Variants in IARS2 observed in about 807,000 individuals in gnomAD.
IARS2 encodes the protein isoleucyl-tRNA synthetase 2, mitochondrial, also known as isoleucine--tRNA ligase, mitochondrial.
In IARS2, 56 loss-of-function variants were observed where a neutral mutation model predicts 126.3. The ratio of observed to expected loss-of-function variants is 0.44; its 90% CI spans 0.36 to 0.55. IARS2 has a LOEUF of 0.55. IARS2 is among the 20% of genes least tolerant of loss of function. The pLI, the probability that IARS2 is intolerant of heterozygous loss-of-function variation, is 0.00. For missense variants in IARS2, 1,127 were observed against 1,245.9 expected, an observed-to-expected ratio of 0.90 and a Z score of 1.44; for synonymous variants, 407 against 441.1, an observed-to-expected ratio of 0.92 and a Z score of 0.97.
intron 1 of IARS2, 113 bp downstream of exon 1, chr1:220,094,596 G>T (rs1038751769): frequency 2.3e-6 from 2 of 876,818 alleles, no homozygotes; most frequent in African/African-American, 1.8e-5. Context: ...GTGGGCGGGG[G>T]TGTGACCAGA....
At chr1:220,100,420 C>T in intron 2 of IARS2, 70 bp from the exon 3 acceptor site, 1 of 1,244,916 alleles carries the variant, frequency 8.0e-7, no homozygotes. Context: ...ATCATTTTAT[C>T]TTTGCAGATT....
intron 14 of IARS2, among the ~76,000 whole-genome samples, chr1:220,131,460 T>C (rs1196506234): frequency 6.6e-6 from 1 of 152,140 alleles, no homozygotes; most frequent in Admixed American, 6.6e-5. Context: ...CAAGCGATTC[T>C]CCTGCCTCAG....
At chr1:220,096,579 A>G (rs1395289022) in intron 2 of IARS2, among the ~76,000 whole-genome samples, 3 of 152,322 alleles carry the variant, frequency 2.0e-5, no homozygotes, top group East Asian at 3.9e-4. Flanking sequence ...ATAATTCATT[A>G]TTTTTAAAAT....
At chr1:220,110,446 A>G (rs1395909728) in intron 10 of IARS2, among the ~76,000 whole-genome samples, 1 of 151,604 alleles carries the variant, frequency 6.6e-6, no homozygotes, top group Non-Finnish European at 1.5e-5. Flanking sequence ...GCTCACTGCA[A>G]CCTCTGCCTC....
intron 14 of IARS2, among the ~76,000 whole-genome samples, chr1:220,129,840 T>C (rs1352121679): frequency 1.3e-5 from 2 of 152,246 alleles, no homozygotes; most frequent in Non-Finnish European, 2.9e-5. Flanking sequence ...CCTGTGGATA[T>C]GCTGATTTTA....
Position 220,136,892 on chromosome 1 carries a change from T to C in IARS2, c.2030T>C (p.Val677Ala), listed in dbSNP as rs142127832. The change falls in exon 16 of 23, where the codon GTT (valine) becomes GCT (alanine). Residue 677 changes from valine to alanine, a missense_variant. Coordinates refer to ENST00000366922, the MANE Select transcript of IARS2 (RefSeq NM_018060.4). ...CTTGGGAATGTCATTCATCCTGATG[T>C]TGTCGTTAATGGAGGACAAGTAGGT... ...KSLGNVIHPD[V>A]VVNGGQDQSK... 6.2e-7 allele frequency: 1 copy of C among 1,603,362 alleles called. No individual in the cohort carries two copies. Among genetic ancestry groups the C allele is most frequent in the Non-Finnish European group, 8.5e-7 (1 of 1,172,280 alleles).
In IARS2 at chr1:220,147,824, T is replaced by C; in HGVS notation, c.*189T>C. ...GTAACTATAGAAAGAATTATGTATA[T>C]ATACATGCAGAAATATATATGTGTG... On this transcript the variant is annotated 3_prime_UTR_variant, in exon 23 of 23. Coordinates refer to ENST00000366922, the MANE Select transcript of IARS2 (RefSeq NM_018060.4). The C allele has an allele frequency of 3.4e-6, 2 of 590,296 alleles. No individual in the cohort carries two copies. Among genetic ancestry groups the C allele is most frequent in the South Asian group, 4.7e-5 (2 of 42,950 alleles). 36.6% of individuals were successfully genotyped at this position (590,296 alleles called of 1,614,324 possible). A position where few individuals can be genotyped will look rare whatever the true frequency, so the allele number is the denominator to read the frequency against.
At chr1:220,110,154 T>C (rs1336705622) in intron 10 of IARS2, among the ~76,000 whole-genome samples, 1 of 149,624 alleles carries the variant, frequency 6.7e-6, no homozygotes, top group Non-Finnish European at 1.5e-5. Flanking sequence ...TTAGCTTAGG[T>C]TCAAATGATT....
intron 11 of IARS2, 137 bp downstream of exon 11, chr1:220,111,074 AT>A: frequency 1.2e-6 from 1 of 802,278 alleles, no homozygotes; most frequent in Non-Finnish European, 1.9e-6. Context: ...ACATTGTAGA[AT>A]TTTAGATCTG....
At chr1:220,146,782 T>C (rs1657603711) in intron 22 of IARS2, among the ~76,000 whole-genome samples, 1 of 152,124 alleles carries the variant, frequency 6.6e-6, no homozygotes, top group Non-Finnish European at 1.5e-5. Context: ...AGCAATTCTC[T>C]TGCCTCAGCC....
At chr1:220,104,047 C>T (rs1343313089) in intron 8 of IARS2, among the ~76,000 whole-genome samples, 3 of 152,348 alleles carry the variant, frequency 2.0e-5, no homozygotes, top group East Asian at 3.9e-4. Flanking sequence ...CCAGTCAGCT[C>T]ATTGCAGCCT....
At chr1:220,110,018 G>T (rs1656764316) in intron 10 of IARS2, among the ~76,000 whole-genome samples, 1 of 152,150 alleles carries the variant, frequency 6.6e-6, no homozygotes, top group South Asian at 2.1e-4. Context: ...GAATCCCAGA[G>T]CACGCCTTTG....
At chr1:220,103,662 T>A in intron 8 of IARS2, 100 bp downstream of exon 8, 1 of 696,722 alleles carries the variant, frequency 1.4e-6, no homozygotes, top group Non-Finnish European at 2.6e-6. Context: ...GAAACAGATA[T>A]GGCCTCTACC....
intron 11 of IARS2, among the ~76,000 whole-genome samples, chr1:220,113,122 C>A (rs1279771557): frequency 6.6e-6 from 1 of 152,146 alleles, no homozygotes; most frequent in Non-Finnish European, 1.5e-5. Flanking sequence ...TCCTCAGCCT[C>A]CCAAAGTGCT....
Position 220,107,049 on chromosome 1 carries a change from G to A in IARS2, c.1237-12G>A, listed in dbSNP as rs1276564692. On this transcript the variant is annotated splice_polypyrimidine_tract_variant and intron_variant, in intron 9 of 22. Coordinates refer to ENST00000366922, the MANE Select transcript of IARS2 (RefSeq NM_018060.4). ...TCTTGATATTTTAATTGTTCAAAATGATACTTTATAGGATTGTCTAGTGGA... is the reference window on the plus strand; with the variant it reads ...TCTTGATATTTTAATTGTTCAAAATAATACTTTATAGGATTGTCTAGTGGA... 2 of 1,542,110 alleles carry A rather than the reference G, an allele frequency of 1.3e-6. No individual in the cohort carries two copies. Among genetic ancestry groups the A allele is most frequent in the South Asian group, 1.1e-5 (1 of 89,506 alleles).
intron 3 of IARS2, among the ~76,000 whole-genome samples, chr1:220,101,093 C>T (rs930585030): frequency 6.6e-6 from 1 of 152,078 alleles, no homozygotes; most frequent in African/African-American, 2.4e-5. Flanking sequence ...TACTATTGTA[C>T]ATTTGGATGT....
intron 17 of IARS2, among the ~76,000 whole-genome samples, chr1:220,138,377 A>G (rs1008758527): frequency 2.2e-4 from 33 of 152,150 alleles, no homozygotes; most frequent in Admixed American, 1.8e-3. Context: ...AGGCTGAGGC[A>G]GGAGAATCAC....
chr1:220,094,211 C>T lies in IARS2; in HGVS notation c.-6C>T, dbSNP rs750485716. ...GGAGGACCCCGCTCTCAGGGGTTGCCGGACCATGCGTTGGGGGCTGCGCCC... is the reference window on the plus strand; with the variant it reads ...GGAGGACCCCGCTCTCAGGGGTTGCTGGACCATGCGTTGGGGGCTGCGCCC... On this transcript the variant is annotated 5_prime_UTR_variant, in exon 1 of 23. Transcript: ENST00000366922. 8.3e-6 allele frequency: 13 copies of T among 1,560,374 alleles called. No homozygotes were observed. The highest frequency in any genetic ancestry group is 5.7e-5 in the Admixed American group (3 of 53,024).
At position 220,102,269 on chromosome 1, in the gene IARS2, T is replaced by C. The variant is rs777779272; in HGVS notation, c.691T>C (p.Tyr231His). The C allele has an allele frequency of 1.2e-6, 2 of 1,607,036 alleles. No homozygotes were observed. The highest frequency in any genetic ancestry group is 1.1e-5 in the South Asian group (1 of 89,076). Residue 231 changes from tyrosine to histidine, a missense_variant, in exon 4 of 23, where the codon TAT becomes CAT. Tyr to His is a moderately conservative substitution (Grantham distance 83). Coordinates refer to ENST00000366922, the MANE Select transcript of IARS2 (RefSeq NM_018060.4). ...AKQLRTFYQM[Y>H]DKGLVYRSYK... ...ACAGTTGAGAACTTTTTACCAAATGTATGATAAGGTAAAGAAGTATTTTTT... is the reference window on the plus strand; with the variant it reads ...ACAGTTGAGAACTTTTTACCAAATGCATGATAAGGTAAAGAAGTATTTTTT...
Sources: gnomAD v4.1 joint callset for allele counts (sites outside exome capture counted in the v4.1 genomes callset) on GRCh38, gnomAD v4.1.1 for gene constraint, MANE v1.5 for transcripts, NCBI Gene and HGNC (gene_info 2026-07-23, HGNC 2026-07-21) for gene names.